Variants in GPC6 observed in about 807,000 individuals in gnomAD.
GPC6 encodes the protein glypican 6.
Under a neutral mutation model 55.2 loss-of-function variants are expected in GPC6, and 14 were observed. The ratio of observed to expected loss-of-function variants is 0.25; its 90% CI spans 0.17 to 0.40. The LOEUF (loss-of-function observed/expected upper bound fraction) is 0.40, where lower values mean the gene tolerates loss of function less well. Among genes scored for constraint, GPC6 ranks in the 10% least tolerant of loss-of-function variants. GPC6 has a pLI of 1.00. For missense variants in GPC6, 641 were observed against 708.5 expected (o/e 0.90, Z 1.08); for synonymous variants, 278 against 259.6 (o/e 1.07, Z -0.68).
intron 1 of GPC6, among the ~76,000 whole-genome samples, chr13:93,500,361 G>C (rs953101037): frequency 6.6e-6 from 1 of 152,172 alleles, no homozygotes; most frequent in Non-Finnish European, 1.5e-5. Context: ...GTTGTGGCTA[G>C]TGAATAAATT....
chr13:93,387,084 G>A (rs1176865729), intron 1 of GPC6, among the ~76,000 whole-genome samples: 1 of 151,538 alleles, frequency 6.6e-6, no homozygotes, highest in African/African-American at 2.4e-5. Flanking sequence ...AGCTTTGGAG[G>A]AGAGAATACT....
chr13:93,260,976 C>T (rs1355468369), intron 1 of GPC6, among the ~76,000 whole-genome samples: 1 of 152,048 alleles, frequency 6.6e-6, no homozygotes, highest in Non-Finnish European at 1.5e-5. Context: ...TTATGTTTTT[C>T]ATGCTTAGGG....
At chr13:93,767,871 G>A (rs1444082895) in intron 2 of GPC6, among the ~76,000 whole-genome samples, 3 of 152,068 alleles carry the variant, frequency 2.0e-5, no homozygotes, top group Non-Finnish European at 2.9e-5. Flanking sequence ...TTGGATTCTT[G>A]TTGTTAAACA....
intron 4 of GPC6, among the ~76,000 whole-genome samples, chr13:94,168,182 C>T (rs1416960873): frequency 4.6e-5 from 7 of 152,212 alleles, no homozygotes; most frequent in Non-Finnish European, 1.0e-4. Context: ...GTCCCTCTGG[C>T]TCCAAAACCT....
chr13:93,715,161 A>G (rs1043869571), intron 2 of GPC6, among the ~76,000 whole-genome samples: 1 of 151,628 alleles, frequency 6.6e-6, no homozygotes, highest in Non-Finnish European at 1.5e-5. Context: ...ACATCCACTC[A>G]TATGTTCATC....
chr13:94,204,514 A>G (rs1315434661), intron 4 of GPC6, among the ~76,000 whole-genome samples: 2 of 152,204 alleles, frequency 1.3e-5, no homozygotes, highest in Admixed American at 1.3e-4. Flanking sequence ...TGTAATAAAA[A>G]TACGGAGGTA....
In GPC6 at chr13:93,476,499, T is replaced by C. The variant is rs138654903; in HGVS notation, c.161-68764T>C. Among the ~76,000 whole-genome samples the C allele has an allele frequency of 6.1e-3, 934 of 152,252 alleles. 4 individuals carry two copies. The highest frequency in any genetic ancestry group is 8.5e-3 in the Non-Finnish European group (576 of 68,030). ...CAACTGCGGGGTTCTGCATGCCACC[T>C]CAGTTCATCAGTAAACACTATTTAC... On this transcript the variant is annotated intron_variant, in intron 1 of 8. Transcript: ENST00000377047.
At chr13:94,297,226 G>A (rs1036263471) in intron 5 of GPC6, among the ~76,000 whole-genome samples, 3 of 152,066 alleles carry the variant, frequency 2.0e-5, no homozygotes, top group African/African-American at 7.2e-5. Context: ...ACCCTCTTGG[G>A]AGCAGGGACG....
At chr13:93,947,016 AAAC>A (rs1879039955) in intron 3 of GPC6, among the ~76,000 whole-genome samples, 1 of 152,202 alleles carries the variant, frequency 6.6e-6, no homozygotes, top group South Asian at 2.1e-4. Context: ...CTGACTTTCA[AAAC>A]TCAGCTTTTT....
intron 3 of GPC6, among the ~76,000 whole-genome samples, chr13:93,916,563 G>A (rs1877305036): frequency 6.6e-6 from 1 of 152,158 alleles, no homozygotes; most frequent in Non-Finnish European, 1.5e-5. Context: ...GCACAAAAGA[G>A]CAACTGCCTG....
intron 4 of GPC6, among the ~76,000 whole-genome samples, chr13:94,186,603 A>G (rs547013776): frequency 6.6e-6 from 1 of 152,336 alleles, no homozygotes; most frequent in East Asian, 1.9e-4. Context: ...GGGATTAAAG[A>G]GTAGCCTACC....
rs535330882 is a variant in GPC6, at chr13:94,005,138, A to C, written c.712-22591A>C. Among the ~76,000 whole-genome samples, 85 of 152,336 alleles carry C rather than the reference A, an allele frequency of 5.6e-4. 1 individual carries two copies. The highest frequency in any genetic ancestry group is 3.4e-3 in the Middle Eastern group (1 of 294). ...AACTCCTTGAGCCTAATTAGAAAGA[A>C]AGAATAAATTGGGATTGAAGGAGGT... On this transcript the variant is annotated intron_variant, in intron 3 of 8. Transcript: ENST00000377047.
chr13:93,501,845 A>T (rs930649981), intron 1 of GPC6, among the ~76,000 whole-genome samples: 6 of 152,144 alleles, frequency 3.9e-5, no homozygotes, highest in Admixed American at 1.3e-4. Flanking sequence ...ACCAGAAATT[A>T]CTTAACCATA....
At chr13:94,024,986 A>AT (rs1566302800) in intron 3 of GPC6, among the ~76,000 whole-genome samples, 1 of 152,230 alleles carries the variant, frequency 6.6e-6, no homozygotes, top group Non-Finnish European at 1.5e-5. Flanking sequence ...TGTTGTGCAT[A>AT]GCACAAGGTT....
intron 2 of GPC6, among the ~76,000 whole-genome samples, chr13:93,629,036 G>GAAAAAAAAA (rs5805815): frequency 7.3e-6 from 1 of 137,450 alleles, no homozygotes; most frequent in African/African-American, 2.7e-5. Flanking sequence ...CTTCTAGCCA[G>GAAAAAAAAA]AAAAAAAAAA....
chr13:93,765,254 A>AGATAAGCTGTCTGGAAAGACAACTTTCCT (rs2138883056), intron 2 of GPC6, among the ~76,000 whole-genome samples: 2 of 78,698 alleles, frequency 2.5e-5, no homozygotes, highest in Non-Finnish European at 7.4e-5. Flanking sequence ...ACAACTTTCC[A>AGATAAGCTGTCTGGAAAGACAACTTTCCT]GATAAGCTGT....
chr13:93,949,972 C>T (rs1399363282), intron 3 of GPC6, among the ~76,000 whole-genome samples: 1 of 152,142 alleles, frequency 6.6e-6, no homozygotes, highest in Non-Finnish European at 1.5e-5. Context: ...AAGTGGTCCA[C>T]TCGCCTTGGC....
At chr13:93,446,564 A>G (rs1029405609) in intron 1 of GPC6, among the ~76,000 whole-genome samples, 2 of 152,152 alleles carry the variant, frequency 1.3e-5, no homozygotes, top group Admixed American at 6.5e-5. Flanking sequence ...CAGAAGTGGC[A>G]TGTCTACAGG....
At position 93,844,910 on chromosome 13, in the gene GPC6, C is replaced by T. The variant is rs560798429; in HGVS notation, c.711+14365C>T. Among the ~76,000 whole-genome samples the T allele has an allele frequency of 1.8e-3, 270 of 151,886 alleles. 1 individual carries two copies. Among genetic ancestry groups the T allele is most frequent in the African/African-American group, 6.2e-3 (256 of 41,408 alleles). The stretch of plus-strand genomic sequence containing the variant: ...CATTTATTAAATAGGGAATCCTTTC[C>T]CCATTGCTTGTTTTTCTGAGGTTTG... On this transcript the variant is annotated intron_variant, in intron 3 of 8. Transcript: ENST00000377047.
Sources: gnomAD v4.1 joint callset for allele counts (sites outside exome capture counted in the v4.1 genomes callset) on GRCh38, gnomAD v4.1.1 for gene constraint, MANE v1.5 for transcripts, NCBI Gene and HGNC (gene_info 2026-07-23, HGNC 2026-07-21) for gene names.